The following BICD1 variants were observed in gnomAD, a reference collection of about 807,000 sequenced individuals.
BICD1 encodes the protein BICD cargo adaptor 1.
A neutral mutation model predicts 92.5 loss-of-function variants in BICD1; 35 were observed. The observed-to-expected ratio is 0.38, with a 90% CI of 0.29 to 0.50. The LOEUF is 0.50. Among genes scored for constraint, BICD1 ranks in the 20% least tolerant of loss-of-function variants. The probability of loss-of-function intolerance (pLI) is 0.93; values close to 1 mark genes in which losing one functional copy is unlikely to be tolerated. For missense variants in BICD1, 950 were observed against 1,189.8 expected, an observed-to-expected ratio of 0.80 and a Z score of 2.97; for synonymous variants, 429 against 465.1, an observed-to-expected ratio of 0.92 and a Z score of 1.00.
chr12:32,201,390 C>T (rs780197632), intron 1 of BICD1, among the ~76,000 whole-genome samples: 3 of 152,084 alleles, frequency 2.0e-5, no homozygotes, highest in Non-Finnish European at 4.4e-5. Flanking sequence ...CACTAGACTT[C>T]TTCATACAAT....
At chr12:32,347,410 C>T (rs956134497) in intron 8 of BICD1, among the ~76,000 whole-genome samples, 11 of 151,564 alleles carry the variant, frequency 7.3e-5, no homozygotes, top group African/African-American at 1.7e-4. Flanking sequence ...GAGGCTGAGG[C>T]GGGCAGATCA....
chr12:32,109,996 T>C lies in BICD1; in HGVS notation c.213+2452T>C, dbSNP rs1941627739. On this transcript the variant is annotated intron_variant, in intron 1 of 9. Coordinates refer to ENST00000652176, the MANE Select transcript of BICD1 (RefSeq NM_001714.4). ...TCTATAAAGCCAAGCATAAAATAAA[T>C]CTTTGCTTATTTCTAGGATTTTTGA... 2.0e-5 allele frequency among the ~76,000 whole-genome samples: 3 copies of C among 152,310 alleles called. No homozygotes were observed. In the South Asian group the frequency reaches 6.2e-4, roughly 32 times the overall value.
chr12:32,202,433 T>TTA (rs1944932862), intron 1 of BICD1, among the ~76,000 whole-genome samples: 1 of 152,138 alleles, frequency 6.6e-6, no homozygotes, highest in African/African-American at 2.4e-5. Flanking sequence ...TCTTTAACAA[T>TTA]TATATATATT....
intron 1 of BICD1, among the ~76,000 whole-genome samples, chr12:32,113,213 T>C (rs796298224): frequency 2.2e-4 from 33 of 152,162 alleles, no homozygotes; most frequent in African/African-American, 5.8e-4. Flanking sequence ...GTCTAAGAGC[T>C]ATTTGGGAGG....
At chr12:32,202,269 G>A (rs989512988) in intron 1 of BICD1, among the ~76,000 whole-genome samples, 4 of 152,196 alleles carry the variant, frequency 2.6e-5, no homozygotes, top group African/African-American at 7.2e-5. Context: ...AAAACCTGGT[G>A]AGTAAGAACA....
chr12:32,175,121 C>T (rs543957554), intron 1 of BICD1, among the ~76,000 whole-genome samples: 119 of 152,102 alleles, frequency 7.8e-4, no homozygotes, highest in African/African-American at 2.8e-3. Flanking sequence ...CTTTTGGGGT[C>T]TGTTTTCTCT....
At chr12:32,195,090 C>CAAA (rs3043308) in intron 1 of BICD1, among the ~76,000 whole-genome samples, 7,610 of 117,180 alleles carry the variant, frequency 0.065, 325 homozygotes, top group Middle Eastern at 0.1. Flanking sequence ...AGAGTGAGAC[C>CAAA]AAAAAAAAAA....
At chr12:32,309,439 T>A (rs1948318991) in intron 4 of BICD1, among the ~76,000 whole-genome samples, 1 of 152,178 alleles carries the variant, frequency 6.6e-6, no homozygotes, top group Admixed American at 6.5e-5. Context: ...TAGATTGTGA[T>A]ATCTCCACTG....
Position 32,305,459 on chromosome 12 carries a change from A to T in BICD1, c.580-238A>T, listed in dbSNP as rs555276027. Among the ~76,000 whole-genome samples the T allele has an allele frequency of 1.4e-3, 208 of 151,584 alleles. 1 individual carries two copies. The highest frequency in any genetic ancestry group is 4.9e-3 in the African/African-American group (201 of 41,438). On this transcript the variant is annotated intron_variant, in intron 3 of 9. Transcript: ENST00000652176. ...TAGATGTATATTATTAGATCTAATTATATATAACATTTATGTTATATCACT... is the reference window on the plus strand; with the variant it reads ...TAGATGTATATTATTAGATCTAATTTTATATAACATTTATGTTATATCACT...
At chr12:32,176,876 C>T (rs894570281) in intron 1 of BICD1, among the ~76,000 whole-genome samples, 4 of 151,968 alleles carry the variant, frequency 2.6e-5, no homozygotes, top group Non-Finnish European at 5.9e-5. Flanking sequence ...TACTATTAAA[C>T]ATTTATATAC....
At chr12:32,365,393 G>C (rs762623564) in intron 8 of BICD1, among the ~76,000 whole-genome samples, 27 of 152,150 alleles carry the variant, frequency 1.8e-4, no homozygotes, top group Non-Finnish European at 3.1e-4. Context: ...CCTGCTGTCT[G>C]AATTTTACCA....
At chr12:32,342,204 GTATA>G (rs3075972) in intron 8 of BICD1, among the ~76,000 whole-genome samples, 26,042 of 119,150 alleles carry the variant, frequency 0.22, 3,054 homozygotes, top group East Asian at 0.57. Flanking sequence ...GTGTGTGTGT[GTATA>G]TATATATATA....
intron 1 of BICD1, among the ~76,000 whole-genome samples, chr12:32,209,671 A>G (rs1246036841): frequency 6.6e-6 from 1 of 152,186 alleles, no homozygotes; most frequent in Non-Finnish European, 1.5e-5. Flanking sequence ...GCGTCATGGC[A>G]GTGCTGTAAT....
chr12:32,154,437 C>G (rs1167557918), intron 1 of BICD1, among the ~76,000 whole-genome samples: 1 of 152,182 alleles, frequency 6.6e-6, no homozygotes, highest in African/African-American at 2.4e-5. Context: ...TAAACTCCCA[C>G]TTTTGTCAGC....
At chr12:32,140,213 AGC>A (rs1942868303) in intron 1 of BICD1, among the ~76,000 whole-genome samples, 1 of 152,206 alleles carries the variant, frequency 6.6e-6, no homozygotes, top group Non-Finnish European at 1.5e-5. Context: ...TCTTCCAAGA[AGC>A]ACCACATTTC....
rs564430146 is a variant in BICD1, at chr12:32,234,324, G to A, written c.426+17865G>A. 3.7e-4 allele frequency among the ~76,000 whole-genome samples: 57 copies of A among 152,240 alleles called. No individual in the cohort carries two copies. In the South Asian group the frequency reaches 0.011, roughly 30 times the overall value. On this transcript the variant is annotated intron_variant, in intron 2 of 9. Coordinates refer to ENST00000652176, the MANE Select transcript of BICD1 (RefSeq NM_001714.4). ...TTTAAAAAGCAAAATTAGGCAGGGC[G>A]TGGTGGCTCACGCCTGTAATCCCAG...
chr12:32,296,833 T>C (rs1947888862), intron 3 of BICD1, among the ~76,000 whole-genome samples: 1 of 152,180 alleles, frequency 6.6e-6, no homozygotes, highest in Non-Finnish European at 1.5e-5. Context: ...GAGTATTCAT[T>C]AACCCAGATG....
intron 4 of BICD1, among the ~76,000 whole-genome samples, chr12:32,311,302 C>A (rs568905171): frequency 6.6e-6 from 1 of 152,252 alleles, no homozygotes; most frequent in East Asian, 1.9e-4. Context: ...TTGAGACCAT[C>A]CTGGCCAACA....
At chr12:32,370,922 C>T (rs1015993611) in intron 9 of BICD1, among the ~76,000 whole-genome samples, 3 of 152,126 alleles carry the variant, frequency 2.0e-5, no homozygotes, top group African/African-American at 4.8e-5. Flanking sequence ...CCAAACTGGA[C>T]TTGAACCCTG....
Sources: allele counts gnomAD v4.1 joint callset (sites outside exome capture counted in the v4.1 genomes callset), GRCh38; gene constraint gnomAD v4.1.1; transcripts MANE v1.5; gene names NCBI Gene and HGNC (gene_info 2026-07-23, HGNC 2026-07-21).